Variants in OSBPL5 observed in about 807,000 individuals in gnomAD.
OSBPL5 encodes oxysterol-binding protein-related protein 5.
Under a neutral mutation model 111.2 loss-of-function variants are expected in OSBPL5, and 71 were observed. The ratio of observed to expected loss-of-function variants is 0.64; its 90% CI spans 0.53 to 0.78. The LOEUF is 0.78. Ranked by LOEUF, OSBPL5 falls within the 30% of genes least tolerant of loss-of-function variation. OSBPL5 has a pLI of 0.00. For missense variants in OSBPL5, 1,210 were observed against 1,189.3 expected, an observed-to-expected ratio of 1.02 and a Z score of -0.26; for synonymous variants, 549 against 513.9, an observed-to-expected ratio of 1.07 and a Z score of -0.93.
chr11:3,096,962 G>A (rs1453815865), intron 14 of OSBPL5, among the ~76,000 whole-genome samples: 1 of 31,088 alleles, frequency 3.2e-5, no homozygotes, highest in Non-Finnish European at 7.3e-5. Flanking sequence ...GGGAGGAGGA[G>A]AAGAGGAAAG....
chr11:3,110,671 C>T lies in OSBPL5; in HGVS notation c.692-2726G>A, dbSNP rs190691039. ...TCCCATTCTATTCCAAGTCACCCCTCTGCTCACTGAGATAAATGCATATCT... is the reference window on the plus strand; with the variant it reads ...TCCCATTCTATTCCAAGTCACCCCTTTGCTCACTGAGATAAATGCATATCT... On this transcript the variant is annotated intron_variant, in intron 7 of 21. Transcript: ENST00000263650. The surrounding 1 kb of genome is among the most constrained non-coding windows in gnomAD (Gnocchi z 5.3). 6.1e-4 allele frequency among the ~76,000 whole-genome samples: 93 copies of T among 152,306 alleles called. No homozygotes were observed. The highest frequency in any genetic ancestry group is 3.3e-4 in the Admixed American group (5 of 15,304).
intron 4 of OSBPL5, 110 bp from the exon 5 acceptor site, chr11:3,122,208 T>C: frequency 7.6e-7 from 1 of 1,311,944 alleles, no homozygotes; most frequent in African/African-American, 1.5e-5. Context: ...GGAGAGGAAG[T>C]AGGAGGAAGT....
chr11:3,097,905 A>G (rs1857327678), intron 14 of OSBPL5, among the ~76,000 whole-genome samples: 3 of 152,088 alleles, frequency 2.0e-5, no homozygotes, highest in Admixed American at 2.0e-4. Flanking sequence ...CATCTCTACT[A>G]AAAATACAAA....
At chr11:3,120,390 C>T (rs774093195) in intron 6 of OSBPL5, 31 bp downstream of exon 6, 1 of 1,596,858 alleles carries the variant, frequency 6.3e-7, no homozygotes, top group Non-Finnish European at 8.5e-7. Flanking sequence ...CCTACGGGGC[C>T]TCTGTCTTCA....
chr11:3,121,905 C>T lies in OSBPL5; in HGVS notation c.402+92G>A. The stretch of plus-strand genomic sequence containing the variant: ...GGCTAGATGCAGGGAAGTGAATTTC[C>T]ATCGTTTCAGGCCACCTGGTTTATG... On this transcript the variant is annotated intron_variant, in intron 5 of 21. Transcript: ENST00000263650. This position sits in a 1 kb window ranked among gnomAD's most constrained non-coding sequence, Gnocchi z 4.3. 2 of 1,171,952 alleles carry T rather than the reference C, an allele frequency of 1.7e-6. No individual in the cohort carries two copies. Among genetic ancestry groups the T allele is most frequent in the Non-Finnish European group, 2.4e-6 (2 of 822,186 alleles). The allele number at this position is 1,171,952 out of a possible 1,614,324, so 72.6% of individuals were successfully genotyped here.
rs1857040545 is a variant in OSBPL5, at chr11:3,091,102, T to C, written c.2260-406A>G. On this transcript the variant is annotated intron_variant, in intron 19 of 21. Transcript: ENST00000263650. ...GCCACTGTGGGAGCTGGGAGGTTCA[T>C]AGGAACCCCAGATGGCTAGGGTTCC... 1.3e-5 allele frequency among the ~76,000 whole-genome samples: 2 copies of C among 152,202 alleles called. 1 individual carries two copies. The highest frequency in any genetic ancestry group is 4.1e-4 in the South Asian group (2 of 4,834).
intron 1 of OSBPL5, among the ~76,000 whole-genome samples, chr11:3,148,033 G>C (rs1846421310): frequency 6.6e-6 from 1 of 152,164 alleles, no homozygotes; most frequent in Non-Finnish European, 1.5e-5. Flanking sequence ...ACCCAGACTT[G>C]GCACACTGGC....
At chr11:3,098,309 TC>T (rs1184595243) in intron 14 of OSBPL5, among the ~76,000 whole-genome samples, 1 of 151,506 alleles carries the variant, frequency 6.6e-6, no homozygotes, top group Non-Finnish European at 1.5e-5. Flanking sequence ...AAATTCTGTC[TC>T]ATTGGAGTTC....
chr11:3,091,316 T>G (rs1458859032), intron 19 of OSBPL5, among the ~76,000 whole-genome samples: 2 of 152,040 alleles, frequency 1.3e-5, no homozygotes, highest in African/African-American at 4.8e-5. Flanking sequence ...ACAACAGGCG[T>G]TTGGGGCCAG....
At chr11:3,090,424 G>A in intron 20 of OSBPL5, 134 bp downstream of exon 20, 1 of 1,272,192 alleles carries the variant, frequency 7.9e-7, no homozygotes, top group African/African-American at 1.5e-5. Context: ...GGCCCCTCAG[G>A]GCAGCAGAGG....
intron 3 of OSBPL5, among the ~76,000 whole-genome samples, chr11:3,123,258 G>A (rs1330198868): frequency 1.1e-4 from 16 of 152,260 alleles, no homozygotes; most frequent in Non-Finnish European, 1.3e-4. Flanking sequence ...TCTAAAGCCT[G>A]CAGGCTGGGG....
rs150719447 is a variant in OSBPL5 at position 3,123,685 on chromosome 11, T to C, written c.220-1257A>G. Reference sequence around the variant, plus strand: ...TCTCCTGGCTAGAAGCCCTGGGCGCTGGGGACTGCCCCCACCCCAATCATG... The same window carrying C: ...TCTCCTGGCTAGAAGCCCTGGGCGCCGGGGACTGCCCCCACCCCAATCATG... On this transcript the variant is annotated intron_variant, in intron 3 of 21. Transcript: ENST00000263650. Among the ~76,000 whole-genome samples the C allele has an allele frequency of 7.8e-3, 1,184 of 152,354 alleles. 18 individuals are homozygous for C. The highest frequency in any genetic ancestry group is 0.027 in the African/African-American group (1,129 of 41,584).
intron 1 of OSBPL5, among the ~76,000 whole-genome samples, chr11:3,131,705 TCC>T (rs1845793332): frequency 1.1e-4 from 13 of 119,264 alleles, no homozygotes; most frequent in African/African-American, 4.5e-4. Flanking sequence ...CATCTATCCA[TCC>T]ATCCATCCAT....
Position 3,107,586 on chromosome 11 carries a change from T to A in OSBPL5, c.867-131A>T. The A allele has an allele frequency of 7.3e-7, 1 of 1,367,128 alleles. No individual in the cohort carries two copies. Among genetic ancestry groups the A allele is most frequent in the Non-Finnish European group, 1.0e-6 (1 of 984,642 alleles). 84.7% of individuals were successfully genotyped at this position (1,367,128 alleles called of 1,614,324 possible). A position where few individuals can be genotyped will look rare whatever the true frequency, so the allele number is the denominator to read the frequency against. On this transcript the variant is annotated intron_variant, in intron 8 of 21. Transcript: ENST00000263650. The surrounding 1 kb of genome is among the most constrained non-coding windows in gnomAD (Gnocchi z 6.1). ...CTGTCGTCACCTCCACAACCCACAT[T>A]TGACACGATCAGCCCCGTTTTAGAG... is the stretch of plus-strand genomic sequence containing the variant.
intron 1 of OSBPL5, among the ~76,000 whole-genome samples, chr11:3,144,532 C>T (rs968282483): frequency 2.0e-5 from 3 of 152,354 alleles, no homozygotes; most frequent in Admixed American, 6.5e-5. Context: ...CAGGGGAGTG[C>T]GGGCTGGGCC....
chr11:3,111,313 T>C (rs1218168312), intron 7 of OSBPL5, among the ~76,000 whole-genome samples: 1 of 152,168 alleles, frequency 6.6e-6, no homozygotes, highest in Non-Finnish European at 1.5e-5. Context: ...GTAACTCCTT[T>C]ATGGAGTTCG....
At chr11:3,101,818 TC>T in intron 12 of OSBPL5, 119 bp from the exon 13 acceptor site, 1 of 822,276 alleles carries the variant, frequency 1.2e-6, no homozygotes, top group Non-Finnish European at 1.9e-6. Flanking sequence ...TCTCCCCCGA[TC>T]CCAGGATTCG....
chr11:3,095,989 T>A (rs1340084316), intron 14 of OSBPL5, among the ~76,000 whole-genome samples: 2 of 151,606 alleles, frequency 1.3e-5, no homozygotes, highest in Non-Finnish European at 2.9e-5. Flanking sequence ...ATCAGGCATC[T>A]CGAGATCAAA....
At position 3,110,194 on chromosome 11, in the gene OSBPL5, T is replaced by A. The variant is rs1459475864; in HGVS notation, c.692-2249A>T. On this transcript the variant is annotated intron_variant, in intron 7 of 21. Coordinates refer to ENST00000263650, the MANE Select transcript of OSBPL5 (RefSeq NM_020896.4). This position sits in a 1 kb window ranked among gnomAD's most constrained non-coding sequence, Gnocchi z 5.3. ...AGCCCCGTGGTCAAGGCCAGACTGC[T>A]TTAGGTCTGCACCACCGGCGGGATG... 3.3e-5 allele frequency among the ~76,000 whole-genome samples: 5 copies of A among 151,892 alleles called. No individual in the cohort carries two copies. The highest frequency in any genetic ancestry group is 5.9e-5 in the Non-Finnish European group (4 of 67,964).
Sources: gnomAD v4.1 joint callset for allele counts (sites outside exome capture counted in the v4.1 genomes callset) on GRCh38, gnomAD v4.1.1 for gene constraint, Gnocchi (gnomAD v3.1) non-coding constraint, MANE v1.5 for transcripts, NCBI Gene and HGNC (gene_info 2026-07-23, HGNC 2026-07-21) for gene names.